The following CLMN variants were observed in gnomAD, a reference collection of about 807,000 sequenced individuals.
The protein encoded by CLMN is calmin (calponin-like, transmembrane).
CLMN carries 57 observed loss-of-function variants against 92.7 expected under a neutral mutation model. The ratio of observed to expected loss-of-function variants is 0.61; its 90% CI spans 0.50 to 0.77. The LOEUF (loss-of-function observed/expected upper bound fraction) is 0.77, where lower values mean the gene tolerates loss of function less well. Among genes scored for constraint, CLMN ranks in the 30% least tolerant of loss-of-function variants. The probability of loss-of-function intolerance (pLI) is 0.00; values close to 1 mark genes in which losing one functional copy is unlikely to be tolerated. For synonymous variants in CLMN, 466 were observed against 470.6 expected (o/e 0.99, Z 0.13); for missense variants, 1,158 against 1,237.5 (o/e 0.94, Z 0.96).
At chr14:95,277,343 A>G (rs935172088) in intron 1 of CLMN, among the ~76,000 whole-genome samples, 1 of 152,226 alleles carries the variant, frequency 6.6e-6, no homozygotes, top group Non-Finnish European at 1.5e-5. Flanking sequence ...TTGCTGCTGC[A>G]GGTCCCTGAA....
intron 3 of CLMN, among the ~76,000 whole-genome samples, chr14:95,222,218 C>T (rs1267510515): frequency 6.6e-6 from 1 of 152,208 alleles, no homozygotes; most frequent in Non-Finnish European, 1.5e-5. Context: ...GCTGCTAAAT[C>T]ATCCAGCCGA....
intron 1 of CLMN, among the ~76,000 whole-genome samples, chr14:95,306,733 G>C (rs994959106): frequency 5.3e-5 from 8 of 152,300 alleles, no homozygotes; most frequent in African/African-American, 1.9e-4. Context: ...TTACTACACA[G>C]CTAAGCTCTG....
chr14:95,293,851 G>A (rs1489818958), intron 1 of CLMN, among the ~76,000 whole-genome samples: 1 of 152,194 alleles, frequency 6.6e-6, no homozygotes, highest in Non-Finnish European at 1.5e-5. Context: ...TAGAAACCAA[G>A]TCTGGTGTTG....
intron 10 of CLMN, among the ~76,000 whole-genome samples, chr14:95,195,354 ACGC>A (rs1896677808): frequency 1.3e-5 from 2 of 152,210 alleles, no homozygotes; most frequent in Non-Finnish European, 2.9e-5. Context: ...AGGGACAGGC[ACGC>A]TGGGAGTCAA....
intron 1 of CLMN, among the ~76,000 whole-genome samples, chr14:95,297,923 A>G (rs1162876964): frequency 6.6e-6 from 1 of 152,076 alleles, no homozygotes. Flanking sequence ...TCCCTTGGCA[A>G]ATACCTTAGA....
chr14:95,202,116 C>T (rs1896902598), intron 9 of CLMN, among the ~76,000 whole-genome samples: 1 of 152,148 alleles, frequency 6.6e-6, no homozygotes, highest in East Asian at 1.9e-4. Flanking sequence ...ATTGGTGGGT[C>T]AAATGGTATT....
intron 1 of CLMN, among the ~76,000 whole-genome samples, chr14:95,250,607 G>A (rs1184054455): frequency 6.6e-6 from 1 of 152,224 alleles, no homozygotes; most frequent in Non-Finnish European, 1.5e-5. Context: ...AAGCCATGCA[G>A]TGTTCATAAA....
chr14:95,268,964 G>A (rs981252334), intron 1 of CLMN, among the ~76,000 whole-genome samples: 3 of 151,086 alleles, frequency 2.0e-5, no homozygotes, highest in African/African-American at 7.3e-5. Context: ...CCACCATACC[G>A]AGCTAATTTT....
rs1897549319 is a variant in CLMN at position 95,221,763 on chromosome 14, G to A, written c.252C>T (p.Tyr84=). ...VLSGRNLLHE[Y]KSSSHRIFRL... is the part of the protein sequence containing the mutation. ...GAAAAATACGATGCGACGAGGATTT[G>A]TATTCGTGCAGCTATAAAACAGAAC... Residue 84 remains tyrosine, a synonymous_variant, in exon 4 of 13, where the codon TAC becomes TAT. Coordinates refer to ENST00000298912, the MANE Select transcript of CLMN (RefSeq NM_024734.4). 2 of 1,614,180 alleles carry A rather than the reference G, an allele frequency of 1.2e-6. No homozygotes were observed. Among genetic ancestry groups the A allele is most frequent in the Non-Finnish European group, 1.7e-6 (2 of 1,180,020 alleles).
chr14:95,319,303 T>TCACACACACACACACACA (rs60670197), intron 1 of CLMN, among the ~76,000 whole-genome samples: 1 of 144,108 alleles, frequency 6.9e-6, no homozygotes, highest in African/African-American at 2.6e-5. Flanking sequence ...GTGCGCGAAC[T>TCACACACACACACACACA]CACACACACA....
intron 1 of CLMN, among the ~76,000 whole-genome samples, chr14:95,293,542 C>T (rs1900686177): frequency 6.6e-6 from 1 of 152,058 alleles, no homozygotes; most frequent in South Asian, 2.1e-4. Flanking sequence ...CTGATCTTCA[C>T]TGTCATTCTC....
At position 95,226,372 on chromosome 14, in the gene CLMN, GT is replaced by G. The variant is rs937191345; in HGVS notation, c.145-2518del. On this transcript the variant is annotated intron_variant, in intron 2 of 12. Transcript: ENST00000298912. ...TCTGTACTTGTTTAGTACAGATGCA[GT>G]TTTTTTTTTCTGAATATTTTTTATC... Among the ~76,000 whole-genome samples, 20 of 149,724 alleles carry G rather than the reference GT, an allele frequency of 1.3e-4. No individual in the cohort carries two copies. In the East Asian group the frequency reaches 1.6e-3, roughly 12 times the overall value.
At chr14:95,319,476 A>C (rs1163520855) in intron 1 of CLMN, among the ~76,000 whole-genome samples, 1 of 152,008 alleles carries the variant, frequency 6.6e-6, no homozygotes, top group Non-Finnish European at 1.5e-5. Context: ...CCCTCGCCCC[A>C]CAACACACAC....
At chr14:95,296,369 T>G (rs1045353670) in intron 1 of CLMN, 1 of 152,264 alleles carries the variant, frequency 6.6e-6, no homozygotes, top group African/African-American at 2.4e-5. Flanking sequence ...TCAAAAGCCC[T>G]GCTGTAAAAA....
In CLMN at chr14:95,202,852, T is replaced by C. The variant is rs1204169741; in HGVS notation, c.2497A>G (p.Met833Val). The change falls in exon 9 of 13, where the codon ATG becomes GTG. Residue 833 changes from methionine to valine, a missense_variant. Physicochemically the swap from Met to Val is conservative, Grantham distance 21 (BLOSUM62 1). Coordinates refer to ENST00000298912, the MANE Select transcript of CLMN (RefSeq NM_024734.4). ...QQRETKENDP[M>V]DSHQSQESPN... is the part of the protein sequence containing the mutation. ...CGGTTGAGTACCTGATGGCTGTCCA[T>C]GGGGTCATTCTCTTTGGTCTCCCTT... is the stretch of plus-strand genomic sequence containing the variant. The C allele has an allele frequency of 2.0e-6, 3 of 1,534,782 alleles. No individual in the cohort carries two copies. Among genetic ancestry groups the C allele is most frequent in the Admixed American group, 2.2e-5 (1 of 45,576 alleles).
At chr14:95,226,069 C>T (rs1209257854) in intron 2 of CLMN, among the ~76,000 whole-genome samples, 5 of 152,204 alleles carry the variant, frequency 3.3e-5, no homozygotes, top group African/African-American at 1.2e-4. Flanking sequence ...GCTGATCCCA[C>T]TGCACCCGCT....
At chr14:95,193,223 A>G in intron 12 of CLMN, 1 of 758,404 alleles carries the variant, frequency 1.3e-6, no homozygotes. Flanking sequence ...TAAGAATTTG[A>G]GACGTTTTTC....
Position 95,183,231 on chromosome 14 carries a change from A to G in CLMN, c.*8333T>C, listed in dbSNP as rs1896368842. ...GCTTTGGACAATGTCAACTCTCCAG[A>G]CAACAGGCACTCCCAGAGTTTCCTT... On this transcript the variant is annotated 3_prime_UTR_variant, in exon 13 of 13. Transcript: ENST00000298912. The G allele has an allele frequency of 6.6e-6, 1 of 152,184 alleles. No homozygotes were observed. Among genetic ancestry groups the G allele is most frequent in the Non-Finnish European group, 1.5e-5 (1 of 68,032 alleles). The allele number at this position is 152,184 out of a possible 1,614,324, so 9.4% of individuals were successfully genotyped here.
chr14:95,306,403 C>T (rs1002152410), intron 1 of CLMN, among the ~76,000 whole-genome samples: 3 of 152,128 alleles, frequency 2.0e-5, no homozygotes, highest in African/African-American at 7.2e-5. Context: ...ATCCCAGCTA[C>T]TCGGGAAGCG....
Sources: allele counts gnomAD v4.1 joint callset (sites outside exome capture counted in the v4.1 genomes callset), GRCh38; gene constraint gnomAD v4.1.1; transcripts MANE v1.5; gene names NCBI Gene and HGNC (gene_info 2026-07-23, HGNC 2026-07-21).